The following ADGRE5 variants were observed in gnomAD, a reference collection of about 807,000 sequenced individuals.
The protein encoded by ADGRE5 is adhesion G protein-coupled receptor E5, also known as CD97 molecule.
Under a neutral mutation model 100.3 loss-of-function variants are expected in ADGRE5, and 72 were observed. The observed-to-expected ratio is 0.72, with a 90% CI of 0.59 to 0.87. The LOEUF (loss-of-function observed/expected upper bound fraction) is 0.87, where lower values mean the gene tolerates loss of function less well. Among genes scored for constraint, ADGRE5 ranks in the 40% least tolerant of loss-of-function variants. ADGRE5 has a pLI of 0.00. For synonymous variants in ADGRE5, 439 were observed against 447.8 expected, an observed-to-expected ratio of 0.98 and a Z score of 0.25; for missense variants, 959 against 1,094.7, an observed-to-expected ratio of 0.88 and a Z score of 1.75.
intron 3 of ADGRE5, among the ~76,000 whole-genome samples, chr19:14,389,860 G>T (rs1021368914): frequency 6.6e-6 from 1 of 151,944 alleles, no homozygotes; most frequent in African/African-American, 2.4e-5. Context: ...CCTGAGGTTG[G>T]GAGTTCGAGA....
At chr19:14,407,687 C>G (rs528376318) in intron 18 of ADGRE5, among the ~76,000 whole-genome samples, 1 of 151,142 alleles carries the variant, frequency 6.6e-6, no homozygotes, top group South Asian at 2.1e-4. Flanking sequence ...CTCAGCTTCT[C>G]AGGAGGCTGG....
intron 1 of ADGRE5, among the ~76,000 whole-genome samples, chr19:14,381,981 C>T (rs1046257106): frequency 6.6e-6 from 1 of 152,144 alleles, no homozygotes; most frequent in Non-Finnish European, 1.5e-5. Flanking sequence ...CCAATTTGTC[C>T]CTCGCAGTCT....
Position 14,406,345 on chromosome 19 carries a change from C to G in ADGRE5, c.1836C>G (p.Cys612Trp). ...ENEGGQVGLR[C>W]RLVAGLLHYC... is the part of the protein sequence containing the mutation. The stretch of plus-strand genomic sequence containing the variant: ...CCGCCCCGCAGGTGGGGCTGCGCTG[C>G]CGCCTGGTGGCCGGGCTGCTGCACT... The change falls in exon 15 of 20, where the codon TGC (cysteine) becomes TGG (tryptophan). Residue 612 changes from cysteine (C) to tryptophan (W), a missense_variant. By Grantham distance (215) the Cys-to-Trp change is radical. This residue lies in a region of ADGRE5 where 428 missense variants were observed against 386.2 expected (regional missense o/e 1.11). Coordinates refer to ENST00000242786, the MANE Select transcript of ADGRE5 (RefSeq NM_078481.4). The surrounding 1 kb of genome is among the most constrained non-coding windows in gnomAD (Gnocchi z 6.0). The G allele has an allele frequency of 6.4e-7, 1 of 1,570,900 alleles. No homozygotes were observed.
At chr19:14,393,165 C>T (rs931385965) in intron 4 of ADGRE5, among the ~76,000 whole-genome samples, 1 of 150,798 alleles carries the variant, frequency 6.6e-6, no homozygotes, top group Admixed American at 6.6e-5. Context: ...TGCGCCACTA[C>T]ACTCCAGCCT....
At chr19:14,407,574 A>C (rs1171236228) in intron 18 of ADGRE5, among the ~76,000 whole-genome samples, 1 of 150,326 alleles carries the variant, frequency 6.7e-6, no homozygotes, top group African/African-American at 2.5e-5. Context: ...CATTTGAACC[A>C]GGAGTGCAGT....
intron 1 of ADGRE5, among the ~76,000 whole-genome samples, chr19:14,385,625 G>T (rs1483261894): frequency 6.6e-6 from 1 of 151,430 alleles, no homozygotes; most frequent in Non-Finnish European, 1.5e-5. Context: ...TGGGAGGGGG[G>T]CCCGGGGGTG....
At position 14,406,325 on chromosome 19, in the gene ADGRE5, C is replaced by G; in HGVS notation, c.1822-6C>G. On this transcript the variant is annotated splice_polypyrimidine_tract_variant and splice_region_variant and intron_variant, in intron 14 of 19. Coordinates refer to ENST00000242786, the MANE Select transcript of ADGRE5 (RefSeq NM_078481.4). The surrounding 1 kb of genome is among the most constrained non-coding windows in gnomAD (Gnocchi z 6.0). ...GTCGCTCCGCCCCTCCGTCCCCGCC[C>G]CGCAGGTGGGGCTGCGCTGCCGCCT... is the stretch of plus-strand genomic sequence containing the variant. 1 of 1,552,504 alleles carries G rather than the reference C, an allele frequency of 6.4e-7. No individual in the cohort carries two copies. The highest frequency in any genetic ancestry group is 8.7e-7 in the Non-Finnish European group (1 of 1,151,560).
At chr19:14,407,380 G>A in intron 18 of ADGRE5, 151 bp downstream of exon 18, 1 of 891,764 alleles carries the variant, frequency 1.1e-6, no homozygotes, top group African/African-American at 1.7e-5. Context: ...AGATAGCCAG[G>A]GTGAGGCGCC....
chr19:14,403,732 G>A (rs1282051653), intron 12 of ADGRE5, among the ~76,000 whole-genome samples: 1 of 151,890 alleles, frequency 6.6e-6, no homozygotes, highest in Admixed American at 6.6e-5. Flanking sequence ...GGCCTCAAGC[G>A]ATCCTCCCAC....
Position 14,388,454 on chromosome 19 carries a change from C to G in ADGRE5, c.27C>G (p.Phe9Leu). The G allele has an allele frequency of 6.3e-7, 1 of 1,598,464 alleles. No homozygotes were observed. The highest frequency in any genetic ancestry group is 1.3e-5 in the African/African-American group (1 of 74,486). The change falls in exon 2 of 20, where the codon TTC becomes TTG. Residue 9 changes from phenylalanine (F) to leucine (L), a missense_variant. Phe to Leu is a conservative substitution (Grantham distance 22). Transcript: ENST00000242786. ...CCTTTCCTTTCTCTGTTGCAGCATT[C>G]TGTGTCTGGCTGACTCTGCCGGGAG... MGGRVFLA[F>L]CVWLTLPGAE...
At position 14,401,798 on chromosome 19, in the gene ADGRE5, G is replaced by T; in HGVS notation, c.1183+38G>T. 7.2e-7 allele frequency: 1 copy of T among 1,390,900 alleles called. No homozygotes were observed. Among genetic ancestry groups the T allele is most frequent in the African/African-American group, 1.4e-5 (1 of 69,388 alleles). 86.2% of individuals were successfully genotyped at this position (1,390,900 alleles called of 1,614,324 possible). A position where few individuals can be genotyped will look rare whatever the true frequency, so the allele number is the denominator to read the frequency against. On this transcript the variant is annotated intron_variant, in intron 11 of 19. Transcript: ENST00000242786. The surrounding 1 kb of genome is among the most constrained non-coding windows in gnomAD (Gnocchi z 4.1). ...GTCTGGAGGGGGAGCCCGTGGGAGAGAGATGGAGGTGCTGGGATGGGGCCA... is the reference window on the plus strand; with the variant it reads ...GTCTGGAGGGGGAGCCCGTGGGAGATAGATGGAGGTGCTGGGATGGGGCCA...
intron 6 of ADGRE5, chr19:14,397,441 A>G (rs1374086492): frequency 3.2e-6 from 2 of 632,046 alleles, no homozygotes; most frequent in Non-Finnish European, 5.6e-6. Context: ...GCAACAGCTG[A>G]TGACTCACTG....
intron 4 of ADGRE5, among the ~76,000 whole-genome samples, chr19:14,394,371 G>A (rs888647465): frequency 1.3e-5 from 2 of 152,016 alleles, no homozygotes; most frequent in Non-Finnish European, 2.9e-5. Context: ...CACAGCCCAT[G>A]GGGCCTGTGA....
At chr19:14,402,393 C>G (rs1469193657) in intron 11 of ADGRE5, among the ~76,000 whole-genome samples, 1 of 151,662 alleles carries the variant, frequency 6.6e-6, no homozygotes, top group Non-Finnish European at 1.5e-5. Flanking sequence ...TGAGATCACG[C>G]CACTGCACTC....
chr19:14,400,663 G>C (rs1486391664), intron 9 of ADGRE5, among the ~76,000 whole-genome samples: 2 of 151,902 alleles, frequency 1.3e-5, no homozygotes, highest in Non-Finnish European at 2.9e-5. Context: ...ATGGTGGCGG[G>C]CACCTGTAGT....
chr19:14,396,302 A>G, intron 4 of ADGRE5, 40 bp from the exon 5 acceptor site: 1 of 1,614,100 alleles, frequency 6.2e-7, no homozygotes, highest in South Asian at 1.1e-5. Flanking sequence ...AAAGCTGCTC[A>G]CAGCTACGGG....
intron 14 of ADGRE5, 45 bp downstream of exon 14, chr19:14,405,984 G>A: frequency 6.5e-7 from 1 of 1,543,208 alleles, no homozygotes; most frequent in Non-Finnish European, 8.7e-7. Flanking sequence ...GGTCAGGGAG[G>A]CCTGGGAGGG....
intron 9 of ADGRE5, among the ~76,000 whole-genome samples, chr19:14,400,073 G>C (rs1014517117): frequency 6.6e-6 from 1 of 151,708 alleles, no homozygotes; most frequent in African/African-American, 2.4e-5. Context: ...AGGCCGGAGT[G>C]CAGTGGCACG....
intron 4 of ADGRE5, among the ~76,000 whole-genome samples, chr19:14,392,984 G>A (rs987401925): frequency 2.0e-5 from 3 of 151,672 alleles, no homozygotes; most frequent in African/African-American, 4.8e-5. Flanking sequence ...GGTGGATCAC[G>A]AGGTCAGGAG....
Sources: allele counts gnomAD v4.1 joint callset (sites outside exome capture counted in the v4.1 genomes callset), GRCh38; gene constraint gnomAD v4.1.1; regional missense constraint gnomAD v4.1.1; non-coding constraint Gnocchi (gnomAD v3.1); transcripts MANE v1.5; gene names NCBI Gene and HGNC (gene_info 2026-07-23, HGNC 2026-07-21).